Variants in NFIA observed in about 807,000 individuals in gnomAD.
NFIA encodes the protein nuclear factor 1 A-type.
In NFIA, 8 loss-of-function variants were observed where a neutral mutation model predicts 62.8. That is an observed-to-expected ratio of 0.13 (90% CI 0.07 to 0.23). The LOEUF (loss-of-function observed/expected upper bound fraction) is 0.23. Among genes scored for constraint, NFIA ranks in the 10% least tolerant of loss-of-function variants. The probability of loss-of-function intolerance (pLI) is 1.00; values close to 1 mark genes in which losing one functional copy is unlikely to be tolerated. For missense variants in NFIA, 410 were observed against 642.1 expected (o/e 0.64, Z 3.91); for synonymous variants, 235 against 238.1 (o/e 0.99, Z 0.12).
rs139268100 is a variant in NFIA, at chr1:61,323,149, G to A, written c.626-9363G>A. Reference sequence around the variant, plus strand: ...GCCCCATTCTTCTTTTGGTCTAAGAGTACATTATTTCCATAATGGTGACAA... The same window carrying A: ...GCCCCATTCTTCTTTTGGTCTAAGAATACATTATTTCCATAATGGTGACAA... On this transcript the variant is annotated intron_variant, in intron 3 of 10. Coordinates refer to ENST00000403491, the MANE Select transcript of NFIA (RefSeq NM_001134673.4). Among the ~76,000 whole-genome samples the A allele has an allele frequency of 5.3e-5, 8 of 152,286 alleles. No homozygotes were observed. In the East Asian group the frequency reaches 1.5e-3, roughly 29 times the overall value.
At chr1:61,301,966 T>C (rs568214381) in intron 3 of NFIA, among the ~76,000 whole-genome samples, 1 of 152,356 alleles carries the variant, frequency 6.6e-6, no homozygotes, top group East Asian at 1.9e-4. Flanking sequence ...TTGAGTCTCA[T>C]CCATAGCTCT....
intron 1 of NFIA, among the ~76,000 whole-genome samples, chr1:61,087,908 A>G (rs527939764): frequency 1.8e-4 from 27 of 152,314 alleles, no homozygotes; most frequent in Admixed American, 1.4e-3. Context: ...TGAACATATT[A>G]AAACAGTTTT....
At chr1:61,262,334 AT>A (rs1443921791) in intron 2 of NFIA, among the ~76,000 whole-genome samples, 6 of 152,166 alleles carry the variant, frequency 3.9e-5, no homozygotes, top group Non-Finnish European at 8.8e-5. Flanking sequence ...GTTTTGAATA[AT>A]TTATTTCTGT....
chr1:61,077,762 G>C, upstream of NFIA: 1 of 535,194 alleles, frequency 1.9e-6, no homozygotes. Flanking sequence ...TGATTGCTGG[G>C]TAAATGTCTA....
At chr1:61,378,951 C>T (rs1409048028) in intron 6 of NFIA, among the ~76,000 whole-genome samples, 1 of 152,190 alleles carries the variant, frequency 6.6e-6, no homozygotes, top group Admixed American at 6.5e-5. Context: ...ACTTCTAATT[C>T]CTTTTATACA....
upstream of NFIA, chr1:61,077,350 G>A (rs1207482090): frequency 1.1e-5 from 4 of 357,368 alleles, no homozygotes; most frequent in Non-Finnish European, 1.5e-5. Context: ...GCTTTCAAAA[G>A]AGAGAGTGAG....
intron 2 of NFIA, among the ~76,000 whole-genome samples, chr1:61,248,734 A>G (rs1655814410): frequency 6.6e-6 from 1 of 152,246 alleles, no homozygotes; most frequent in South Asian, 2.1e-4. Context: ...TTCAGTGACC[A>G]TTTCTGGTTT....
At chr1:61,413,500 C>T (rs139639709) in intron 9 of NFIA, among the ~76,000 whole-genome samples, 1 of 151,762 alleles carries the variant, frequency 6.6e-6, no homozygotes, top group Non-Finnish European at 1.5e-5. Context: ...CATGCTCTTT[C>T]TACTACCTCA....
chr1:61,144,957 C>T (rs1020877828), intron 2 of NFIA, among the ~76,000 whole-genome samples: 12 of 152,150 alleles, frequency 7.9e-5, no homozygotes, highest in Non-Finnish European at 1.8e-4. Context: ...TGTGACCTGC[C>T]TCAGTTTAGC....
At chr1:61,158,635 GT>G (rs1648972708) in intron 2 of NFIA, among the ~76,000 whole-genome samples, 1 of 152,188 alleles carries the variant, frequency 6.6e-6, no homozygotes, top group Non-Finnish European at 1.5e-5. Flanking sequence ...GATTTGAAAA[GT>G]TGAAGGAAAA....
chr1:61,363,318 T>C (rs778728041), intron 6 of NFIA, among the ~76,000 whole-genome samples: 1 of 152,100 alleles, frequency 6.6e-6, no homozygotes, highest in Non-Finnish European at 1.5e-5. Context: ...GTTAAAACGT[T>C]ATAAAGCCGG....
chr1:61,433,104 T>G (rs1200515456), intron 10 of NFIA, among the ~76,000 whole-genome samples: 1 of 152,104 alleles, frequency 6.6e-6, no homozygotes, highest in African/African-American at 2.4e-5. Context: ...TTTAAAAGAG[T>G]CTAAGATTGA....
At chr1:61,297,927 G>A (rs908962193) in intron 3 of NFIA, among the ~76,000 whole-genome samples, 5 of 152,194 alleles carry the variant, frequency 3.3e-5, no homozygotes, top group African/African-American at 9.7e-5. Flanking sequence ...AGTGTGGTCT[G>A]AAAGTTTATG....
At chr1:61,092,749 A>G (rs1300144320) in intron 2 of NFIA, among the ~76,000 whole-genome samples, 1 of 152,192 alleles carries the variant, frequency 6.6e-6, no homozygotes, top group Non-Finnish European at 1.5e-5. Flanking sequence ...CGTGATTGCC[A>G]TTCCTTCATA....
intron 2 of NFIA, among the ~76,000 whole-genome samples, chr1:61,201,224 T>A (rs1436743867): frequency 6.6e-6 from 1 of 152,196 alleles, no homozygotes; most frequent in Non-Finnish European, 1.5e-5. Flanking sequence ...AATATAATGA[T>A]TGTTGATAAT....
intron 3 of NFIA, among the ~76,000 whole-genome samples, chr1:61,291,073 T>G (rs1658850937): frequency 6.6e-6 from 1 of 152,198 alleles, no homozygotes; most frequent in Non-Finnish European, 1.5e-5. Context: ...GGTAAGAAGA[T>G]ACAGAAGCCT....
chr1:61,383,010 T>G (rs549711793), intron 6 of NFIA, among the ~76,000 whole-genome samples: 2 of 152,336 alleles, frequency 1.3e-5, no homozygotes, highest in East Asian at 3.9e-4. Context: ...AAATGGACTG[T>G]GATTAATTAG....
At chr1:61,267,536 A>G (rs1011062478) in intron 2 of NFIA, among the ~76,000 whole-genome samples, 1 of 152,056 alleles carries the variant, frequency 6.6e-6, no homozygotes, top group African/African-American at 2.4e-5. Context: ...GATACTTTAC[A>G]CCATTTCCAG....
intron 3 of NFIA, among the ~76,000 whole-genome samples, chr1:61,316,086 A>C (rs1236629650): frequency 3.9e-5 from 6 of 152,184 alleles, no homozygotes; most frequent in African/African-American, 1.4e-4. Context: ...ATTCTTCCAG[A>C]AAGTCCAAAT....
Sources: gnomAD v4.1 joint callset for allele counts (sites outside exome capture counted in the v4.1 genomes callset) on GRCh38, gnomAD v4.1.1 for gene constraint, MANE v1.5 for transcripts, NCBI Gene and HGNC (gene_info 2026-07-23, HGNC 2026-07-21) for gene names.